Variants in DLGAP4 observed in about 807,000 individuals in gnomAD.
DLGAP4 encodes the protein disks large-associated protein 4.
A neutral mutation model predicts 86.9 loss-of-function variants in DLGAP4; 18 were observed. The ratio of observed to expected loss-of-function variants is 0.21; its 90% CI spans 0.14 to 0.31. The LOEUF (loss-of-function observed/expected upper bound fraction) is 0.31. Among genes scored for constraint, DLGAP4 ranks in the 10% least tolerant of loss-of-function variants. The pLI is 1.00. For missense variants in DLGAP4, 1,085 were observed against 1,362.6 expected (o/e 0.80, Z 3.21); for synonymous variants, 548 against 574.3 (o/e 0.95, Z 0.65).
intron 1 of DLGAP4, among the ~76,000 whole-genome samples, chr20:36,321,644 T>G (rs1171137181): frequency 6.6e-6 from 1 of 152,210 alleles, no homozygotes; most frequent in Non-Finnish European, 1.5e-5. Flanking sequence ...CTGGGTGACC[T>G]TCTCACTCCT....
In DLGAP4 at chr20:36,359,833, G is replaced by A. The variant is rs1354058700; in HGVS notation, c.-303-7212G>A. On this transcript the variant is annotated intron_variant, in intron 1 of 12. Coordinates refer to ENST00000339266, the MANE Select transcript of DLGAP4 (RefSeq NM_001365621.2). ...CCACTGCCCAAGCTTCTCAAAATGA[G>A]GCAAGGCATGCTGGGAGTTCATCGG... 1.1e-4 allele frequency among the ~76,000 whole-genome samples: 17 copies of A among 152,202 alleles called. 1 individual carries two copies. The highest frequency in any genetic ancestry group is 2.5e-4 in the Non-Finnish European group (17 of 68,044).
At chr20:36,404,622 G>A (rs1009995470) in intron 2 of DLGAP4, among the ~76,000 whole-genome samples, 47 of 152,198 alleles carry the variant, frequency 3.1e-4, no homozygotes, top group African/African-American at 9.4e-4. Context: ...AATGGAATGC[G>A]GGGAGCAGAG....
At chr20:36,315,898 C>G (rs1370749561) in intron 1 of DLGAP4, among the ~76,000 whole-genome samples, 1 of 152,188 alleles carries the variant, frequency 6.6e-6, no homozygotes, top group Non-Finnish European at 1.5e-5. Context: ...CCTCACTCTG[C>G]TGACACTGGC....
intron 7 of DLGAP4, among the ~76,000 whole-genome samples, chr20:36,453,298 AT>A (rs1267841150): frequency 2.6e-5 from 4 of 151,774 alleles, no homozygotes; most frequent in Middle Eastern, 3.2e-3. Context: ...TCTACAAAAA[AT>A]TTTTTTTTAG....
intron 1 of DLGAP4, among the ~76,000 whole-genome samples, chr20:36,307,221 C>T (rs1600386465): frequency 6.6e-6 from 1 of 152,144 alleles, no homozygotes; most frequent in Non-Finnish European, 1.5e-5. Flanking sequence ...TACCGGAGGC[C>T]CCCACGTGCG....
In DLGAP4 at chr20:36,446,705, G is replaced by A; in HGVS notation, c.1416G>A (p.Glu472=). 1 of 1,603,734 alleles carries A rather than the reference G, an allele frequency of 6.2e-7. No individual in the cohort carries two copies. The highest frequency in any genetic ancestry group is 1.7e-5 in the Admixed American group (1 of 59,792). The change falls in exon 7 of 13, where the codon GAG becomes GAA. Residue 472 remains glutamate (E), a synonymous_variant. Coordinates refer to ENST00000339266, the MANE Select transcript of DLGAP4 (RefSeq NM_001365621.2). ...TGCCTTTGCCTGGACAGGTACGGGA[G>A]GCAGAGCTGAGTGACCAGTATGAGG... ...QLFGHEQQVR[E]AELSDQYEAA...
intron 2 of DLGAP4, among the ~76,000 whole-genome samples, chr20:36,378,996 G>A (rs1569478692): frequency 6.6e-6 from 1 of 152,174 alleles, no homozygotes; most frequent in Non-Finnish European, 1.5e-5. Context: ...CTGGTTCTGG[G>A]ACAGGGAGGC....
chr20:36,475,930 G>C (rs2034894086), intron 7 of DLGAP4, among the ~76,000 whole-genome samples: 1 of 151,970 alleles, frequency 6.6e-6, no homozygotes, highest in Non-Finnish European at 1.5e-5. Flanking sequence ...CGCAGTTTCG[G>C]CTCACTGCAA....
intron 7 of DLGAP4, among the ~76,000 whole-genome samples, chr20:36,455,295 C>T (rs1333462714): frequency 6.6e-6 from 1 of 152,062 alleles, no homozygotes; most frequent in African/African-American, 2.4e-5. Context: ...TGCCTTCCTT[C>T]CCTCTCAGTT....
intron 7 of DLGAP4, among the ~76,000 whole-genome samples, chr20:36,486,819 C>A (rs1228628230): frequency 6.6e-6 from 1 of 151,718 alleles, no homozygotes; most frequent in East Asian, 1.9e-4. Context: ...ACCATGTTGG[C>A]CAGGCTGGTC....
At chr20:36,525,749 G>A (rs541763807) in intron 11 of DLGAP4, 102 bp from the exon 12 acceptor site, 24 of 1,516,286 alleles carry the variant, frequency 1.6e-5, no homozygotes, top group East Asian at 4.5e-5. Flanking sequence ...GAGCCCCCGC[G>A]GGTGCTGGCA....
chr20:36,522,466 T>C (rs1018767323), intron 10 of DLGAP4, among the ~76,000 whole-genome samples: 1 of 152,048 alleles, frequency 6.6e-6, no homozygotes, highest in African/African-American at 2.4e-5. Context: ...CAAGCCTCCT[T>C]TTTTAATTTC....
At chr20:36,450,665 T>C in intron 7 of DLGAP4, among the ~76,000 whole-genome samples, 1 of 152,208 alleles carries the variant, frequency 6.6e-6, no homozygotes, top group Non-Finnish European at 1.5e-5. Flanking sequence ...CAGGTCTGGA[T>C]GTGGCTTCTG....
intron 2 of DLGAP4, among the ~76,000 whole-genome samples, chr20:36,380,160 G>A (rs1406065867): frequency 6.6e-6 from 1 of 151,146 alleles, no homozygotes; most frequent in Non-Finnish European, 1.5e-5. Context: ...TCCAGCCTGG[G>A]CAACATAGCA....
chr20:36,363,583 G>A (rs2030591452), intron 1 of DLGAP4, among the ~76,000 whole-genome samples: 1 of 152,118 alleles, frequency 6.6e-6, no homozygotes, highest in Non-Finnish European at 1.5e-5. Flanking sequence ...CTGAGTGGCT[G>A]GAAGGGCAGG....
intron 2 of DLGAP4, among the ~76,000 whole-genome samples, chr20:36,413,270 G>A (rs1244522471): frequency 6.6e-6 from 1 of 151,864 alleles, no homozygotes; most frequent in Non-Finnish European, 1.5e-5. Flanking sequence ...GAGCCACCGT[G>A]CCCGGCCTTA....
chr20:36,375,806 G>A (rs540063334), intron 2 of DLGAP4, among the ~76,000 whole-genome samples: 4 of 152,238 alleles, frequency 2.6e-5, no homozygotes, highest in South Asian at 2.1e-4. Context: ...TAGAGAGGTC[G>A]ACCAAGGCTG....
At chr20:36,388,924 T>C (rs1277763528) in intron 2 of DLGAP4, among the ~76,000 whole-genome samples, 3 of 152,152 alleles carry the variant, frequency 2.0e-5, no homozygotes, top group Non-Finnish European at 4.4e-5. Flanking sequence ...CACCATTGCA[T>C]CCTCTGCCTG....
In DLGAP4 at chr20:36,526,856, A is replaced by G; in HGVS notation, c.2804A>G (p.Lys935Arg). The part of the protein sequence containing the change: ...PPPPVPKKPA[K>R]SKPAVSRDKA... ...CCTCCGGTCCCAAAGAAGCCAGCCAAATCCAAGCCGGCAGTGAGCCGCGAC... is the reference window on the plus strand; with the variant it reads ...CCTCCGGTCCCAAAGAAGCCAGCCAGATCCAAGCCGGCAGTGAGCCGCGAC... The change falls in exon 13 of 13, where the codon AAA becomes AGA. Residue 935 changes from lysine to arginine, a missense_variant. Transcript: ENST00000339266. 6.2e-7 allele frequency: 1 copy of G among 1,612,256 alleles called. No individual in the cohort carries two copies. The highest frequency in any genetic ancestry group is 8.5e-7 in the Non-Finnish European group (1 of 1,179,598).
Sources: allele counts gnomAD v4.1 joint callset (sites outside exome capture counted in the v4.1 genomes callset), GRCh38; gene constraint gnomAD v4.1.1; transcripts MANE v1.5; gene names NCBI Gene and HGNC (gene_info 2026-07-23, HGNC 2026-07-21).